AGAP1: variants seen among roughly 807,000 people sequenced by gnomAD.
The protein encoded by AGAP1 is arf-GAP with GTPase, ANK repeat and PH domain-containing protein 1.
AGAP1 carries 29 observed loss-of-function variants against 105.3 expected under a neutral mutation model. That is an observed-to-expected ratio of 0.28 (90% CI 0.21 to 0.38). The LOEUF is 0.38. Ranked by LOEUF, AGAP1 falls within the 10% of genes least tolerant of loss-of-function variation. The probability of loss-of-function intolerance (pLI) is 1.00; values close to 1 mark genes in which losing one functional copy is unlikely to be tolerated. For synonymous variants in AGAP1, 509 were observed against 485.9 expected (o/e 1.05, Z -0.63); for missense variants, 998 against 1,165.1 (o/e 0.86, Z 2.09).
intron 1 of AGAP1, among the ~76,000 whole-genome samples, chr2:235,658,489 TC>T (rs1947844436): frequency 6.6e-6 from 1 of 152,052 alleles, no homozygotes. Flanking sequence ...TGAAAGACTT[TC>T]CTGCAGCCTC....
At chr2:236,010,808 G>T (rs940779341) in intron 13 of AGAP1, among the ~76,000 whole-genome samples, 1 of 152,166 alleles carries the variant, frequency 6.6e-6, no homozygotes, top group Admixed American at 6.5e-5. Context: ...TAGAGTTTGG[G>T]AGTGAGTCTC....
intron 9 of AGAP1, among the ~76,000 whole-genome samples, chr2:235,851,636 G>A (rs555187997): frequency 3.9e-5 from 6 of 152,220 alleles, no homozygotes; most frequent in African/African-American, 9.6e-5. Flanking sequence ...GCTTATCTCC[G>A]TGTGTGTGGC....
At chr2:235,496,166 A>G (rs1280826020) in intron 1 of AGAP1, among the ~76,000 whole-genome samples, 2 of 152,198 alleles carry the variant, frequency 1.3e-5, no homozygotes, top group East Asian at 3.9e-4. Flanking sequence ...AGCCCTGTAG[A>G]CTTGAACCAT....
At position 236,062,044 on chromosome 2, in the gene AGAP1, G is replaced by A. The variant is rs764822407; in HGVS notation, c.2114+12763G>A. 6.6e-5 allele frequency among the ~76,000 whole-genome samples: 10 copies of A among 152,154 alleles called. No homozygotes were observed. In the East Asian group the frequency reaches 1.5e-3, roughly 23 times the overall value. On this transcript the variant is annotated intron_variant, in intron 16 of 17. Transcript: ENST00000304032. This position sits in a 1 kb window ranked among gnomAD's most constrained non-coding sequence, Gnocchi z 4.2. ...GGCTGCCCCTCCTCAGGCCTGGGGA[G>A]TAGAGCTCTGAGCAGGATGTGCACT...
rs13409925 is a variant in AGAP1, at chr2:236,053,795, T to C, written c.2114+4514T>C. ...TGGAAGTGGAGAATAGTGTTTTCAA[T>C]TCCGTGAAAGAGCTCTTGAGAGGCG... On this transcript the variant is annotated intron_variant, in intron 16 of 17. Transcript: ENST00000304032. The surrounding 1 kb of genome is among the most constrained non-coding windows in gnomAD (Gnocchi z 4.6). Among the ~76,000 whole-genome samples the C allele has an allele frequency of 6.4e-3, 977 of 152,376 alleles. 4 individuals are homozygous for C. The highest frequency in any genetic ancestry group is 0.022 in the African/African-American group (913 of 41,598).
At position 235,535,364 on chromosome 2, in the gene AGAP1, G is replaced by A. The variant is rs576531599; in HGVS notation, c.163+40515G>A. On this transcript the variant is annotated intron_variant, in intron 1 of 17. Coordinates refer to ENST00000304032, the MANE Select transcript of AGAP1 (RefSeq NM_001037131.3). The surrounding 1 kb of genome is among the most constrained non-coding windows in gnomAD (Gnocchi z 5.1). ...ATGCGACGAGCAAGTTTATTGAAGA[G>A]GGTGTGAGGTCGCGGCGCCTGACCC... 6.6e-6 allele frequency among the ~76,000 whole-genome samples: 1 copy of A among 152,322 alleles called. No homozygotes were observed. Among genetic ancestry groups the A allele is most frequent in the Non-Finnish European group, 1.5e-5 (1 of 68,042 alleles).
chr2:235,873,581 T>A (rs905725754), intron 9 of AGAP1, among the ~76,000 whole-genome samples: 3 of 152,176 alleles, frequency 2.0e-5, no homozygotes, highest in African/African-American at 7.2e-5. Context: ...AATCCACAGC[T>A]GGGGAGTCCG....
At chr2:235,804,438 A>G (rs1318240570) in intron 8 of AGAP1, among the ~76,000 whole-genome samples, 3 of 152,238 alleles carry the variant, frequency 2.0e-5, no homozygotes, top group African/African-American at 7.2e-5. Context: ...TAGTGCGAAG[A>G]GAACTGTTTC....
chr2:235,914,914 C>T (rs1249646834), intron 11 of AGAP1, among the ~76,000 whole-genome samples: 2 of 152,194 alleles, frequency 1.3e-5, no homozygotes, highest in African/African-American at 4.8e-5. Context: ...GAGAGCAGAA[C>T]CTTTTGATGT....
intron 1 of AGAP1, among the ~76,000 whole-genome samples, chr2:235,581,071 T>A (rs534807734): frequency 7.0e-6 from 1 of 143,116 alleles, no homozygotes; most frequent in African/African-American, 2.6e-5. Context: ...CATAGGTCGG[T>A]GGATCACCTG....
In AGAP1 at chr2:236,124,071, G is replaced by T. The variant is rs752064179; in HGVS notation, c.2523G>T (p.Arg841Ser). The T allele has an allele frequency of 1.9e-6, 3 of 1,614,116 alleles. No homozygotes were observed. The Admixed American group carries it at 5.0e-5, about 27-fold the overall frequency. The stretch of plus-strand genomic sequence containing the variant: ...TCATGGCCACCCCTAACCTGTCCAG[G>T]AGAAACAATAACCGGAACAACAGCA... ...FVLMATPNLS[R>S]RNNNRNNSSG... Residue 841 changes from arginine (R) to serine (S), a missense_variant, in exon 18 of 18, where the codon AGG (arginine) becomes AGT (serine). Physicochemically the swap from Arg to Ser is moderately radical, Grantham distance 110 (BLOSUM62 -1). Coordinates refer to ENST00000304032, the MANE Select transcript of AGAP1 (RefSeq NM_001037131.3). The surrounding 1 kb of genome is among the most constrained non-coding windows in gnomAD (Gnocchi z 5.1).
chr2:235,505,763 C>A (rs1941775719), intron 1 of AGAP1: 1 of 151,926 alleles, frequency 6.6e-6, no homozygotes, highest in Non-Finnish European at 1.5e-5. Flanking sequence ...AGGATTGGAG[C>A]ATCCAGAACA....
In AGAP1 at chr2:235,953,583, T is replaced by C. The variant is rs2053830263; in HGVS notation, c.1484-14879T>C. ...GCAGTGGTCTTACTTGGCAACTCCC[T>C]GTCTTGACAGACTTGATTACGGAGC... On this transcript the variant is annotated intron_variant, in intron 12 of 17. Coordinates refer to ENST00000304032, the MANE Select transcript of AGAP1 (RefSeq NM_001037131.3). The surrounding 1 kb of genome is among the most constrained non-coding windows in gnomAD (Gnocchi z 5.2). Among the ~76,000 whole-genome samples, 2 of 152,210 alleles carry C rather than the reference T, an allele frequency of 1.3e-5. No individual in the cohort carries two copies. The highest frequency in any genetic ancestry group is 2.4e-5 in the African/African-American group (1 of 41,464).
rs1242801970 is a variant in AGAP1, at chr2:235,793,852, C to G, written c.674-3907C>G. Among the ~76,000 whole-genome samples, 1 of 152,158 alleles carries G rather than the reference C, an allele frequency of 6.6e-6. No homozygotes were observed. The highest frequency in any genetic ancestry group is 2.4e-5 in the African/African-American group (1 of 41,428). On this transcript the variant is annotated intron_variant, in intron 6 of 17. Transcript: ENST00000304032. This position sits in a 1 kb window ranked among gnomAD's most constrained non-coding sequence, Gnocchi z 5.3. Reference sequence around the variant, plus strand: ...GGAGCTGTTGTCTTATTTTTAACCACTAATTAAAGGGTGCTATTTCCCTCT... The same window carrying G: ...GGAGCTGTTGTCTTATTTTTAACCAGTAATTAAAGGGTGCTATTTCCCTCT...
intron 9 of AGAP1, among the ~76,000 whole-genome samples, chr2:235,826,993 A>G (rs951132484): frequency 2.1e-4 from 32 of 152,012 alleles, no homozygotes; most frequent in Admixed American, 2.1e-3. Flanking sequence ...CGTGTTGGAG[A>G]ATTCAGTACC....
At position 236,020,285 on chromosome 2, in the gene AGAP1, C is replaced by T. The variant is rs1209357344; in HGVS notation, c.1646-16276C>T. 6.6e-6 allele frequency among the ~76,000 whole-genome samples: 1 copy of T among 152,216 alleles called. No homozygotes were observed. The highest frequency in any genetic ancestry group is 6.5e-5 in the Admixed American group (1 of 15,290). On this transcript the variant is annotated intron_variant, in intron 13 of 17. Coordinates refer to ENST00000304032, the MANE Select transcript of AGAP1 (RefSeq NM_001037131.3). This position sits in a 1 kb window ranked among gnomAD's most constrained non-coding sequence, Gnocchi z 5.0. The stretch of plus-strand genomic sequence containing the variant: ...CCCAGTACTCAAGCACCCAGATTCT[C>T]TCTGTTTTCAAAGAAAATTGCAGTG...
Position 235,574,426 on chromosome 2 carries a change from G to A in AGAP1, c.163+79577G>A, listed in dbSNP as rs955018693. On this transcript the variant is annotated intron_variant, in intron 1 of 17. Coordinates refer to ENST00000304032, the MANE Select transcript of AGAP1 (RefSeq NM_001037131.3). This position sits in a 1 kb window ranked among gnomAD's most constrained non-coding sequence, Gnocchi z 5.0. ...GTATAACGAAATGTAATTAGTGAAG[G>A]TGCATTATCTGATAAAGTAAATCTC... 1.3e-5 allele frequency among the ~76,000 whole-genome samples: 2 copies of A among 152,232 alleles called. No homozygotes were observed. The highest frequency in any genetic ancestry group is 4.1e-4 in the South Asian group (2 of 4,834).
chr2:235,807,812 C>T (rs1392423690), intron 9 of AGAP1, among the ~76,000 whole-genome samples: 3 of 152,156 alleles, frequency 2.0e-5, no homozygotes, highest in Non-Finnish European at 4.4e-5. Flanking sequence ...CAGCTGTGCG[C>T]TCTTGTTTGT....
chr2:235,998,655 AGGTGGTGGTGGTGGTGGTGGTGACGAT>A (rs2055919434), intron 13 of AGAP1, among the ~76,000 whole-genome samples: 1 of 151,820 alleles, frequency 6.6e-6, no homozygotes, highest in Non-Finnish European at 1.5e-5. Context: ...TGATGGTGAG[AGGTGGTGGTGGTGGTGGTGGTGACGAT>A]GGTGGTGGTG....
Sources: allele counts gnomAD v4.1 joint callset (sites outside exome capture counted in the v4.1 genomes callset), GRCh38; gene constraint gnomAD v4.1.1; non-coding constraint Gnocchi (gnomAD v3.1); transcripts MANE v1.5; gene names NCBI Gene and HGNC (gene_info 2026-07-23, HGNC 2026-07-21).